SUPT3H: variants seen among roughly 807,000 people sequenced by gnomAD.
SUPT3H encodes the protein transcription initiation protein SPT3 homolog.
SUPT3H carries 44 observed loss-of-function variants against 44.3 expected under a neutral mutation model. The observed-to-expected ratio is 0.99, with a 90% confidence interval of 0.78 to 1.28. The LOEUF is 1.28. SUPT3H is among the 50% of genes most tolerant of loss of function. The pLI is 0.00. For synonymous variants in SUPT3H, 124 were observed against 125.6 expected, an observed-to-expected ratio of 0.99 and a Z score of 0.09; for missense variants, 380 against 387.1, an observed-to-expected ratio of 0.98 and a Z score of 0.15.
At chr6:45,293,922 AC>A (rs1241383592) in intron 2 of SUPT3H, among the ~76,000 whole-genome samples, 1 of 96,406 alleles carries the variant, frequency 1.0e-5, no homozygotes, top group Non-Finnish European at 2.0e-5. Flanking sequence ...AAGAATTGGT[AC>A]CAATCTTATT....
chr6:44,900,963 T>C (rs1047065052), intron 10 of SUPT3H, among the ~76,000 whole-genome samples: 18 of 152,276 alleles, frequency 1.2e-4, no homozygotes, highest in African/African-American at 4.1e-4. Context: ...ATGAGGGTCC[T>C]GACTGTTAGA....
chr6:45,037,503 AG>A (rs1314985133), intron 3 of SUPT3H, among the ~76,000 whole-genome samples: 20 of 150,672 alleles, frequency 1.3e-4, no homozygotes, highest in East Asian at 7.8e-4. Flanking sequence ...AAAAAAAAAA[AG>A]AAAAAAAAAG....
intron 2 of SUPT3H, among the ~76,000 whole-genome samples, chr6:45,348,053 G>GT (rs1468921287): frequency 1.3e-5 from 2 of 151,936 alleles, no homozygotes; most frequent in Non-Finnish European, 2.9e-5. Flanking sequence ...GTGGATATGT[G>GT]TATGTATCCC....
chr6:45,059,540 C>CCT, intron 3 of SUPT3H, among the ~76,000 whole-genome samples: 1 of 152,152 alleles, frequency 6.6e-6, no homozygotes, highest in Admixed American at 6.5e-5. Context: ...ACAAGGATGC[C>CCT]CTCTCTAATC....
intron 10 of SUPT3H, among the ~76,000 whole-genome samples, chr6:44,866,016 T>G (rs1775443248): frequency 6.6e-6 from 1 of 151,686 alleles, no homozygotes; most frequent in African/African-American, 2.4e-5. Context: ...CAGTACTTTC[T>G]CCTCAGAAAC....
chr6:45,206,348 C>T lies in SUPT3H; in HGVS notation c.102-100342G>A, dbSNP rs956537543. ...AATGAGGTCTTCAATGATGAGGAGA[C>T]CTTTAAGCAGGAACATGAGGAAGAG... is the stretch of plus-strand genomic sequence containing the variant. On this transcript the variant is annotated intron_variant, in intron 2 of 10. Transcript: ENST00000371459. 3.5e-4 allele frequency among the ~76,000 whole-genome samples: 53 copies of T among 151,772 alleles called. 1 individual carries two copies. The highest frequency in any genetic ancestry group is 2.1e-4 in the Non-Finnish European group (14 of 67,964).
intron 2 of SUPT3H, among the ~76,000 whole-genome samples, chr6:45,280,207 A>T (rs1777753884): frequency 6.6e-6 from 1 of 152,146 alleles, no homozygotes; most frequent in African/African-American, 2.4e-5. Flanking sequence ...GTGAGCACAA[A>T]CTTTTAGGTA....
intron 6 of SUPT3H, among the ~76,000 whole-genome samples, chr6:44,965,265 C>T (rs564563306): frequency 6.6e-6 from 1 of 152,266 alleles, no homozygotes; most frequent in African/African-American, 2.4e-5. Flanking sequence ...TCTCTGGATG[C>T]TGAACGAAGC....
downstream of SUPT3H, among the ~76,000 whole-genome samples, chr6:44,823,040 C>T (rs747070256): frequency 1.3e-5 from 2 of 150,176 alleles, no homozygotes; most frequent in Admixed American, 6.7e-5. Context: ...ATTGCTTGAA[C>T]CCGGGAGGCG....
chr6:45,236,747 G>A (rs1000716407), intron 2 of SUPT3H, among the ~76,000 whole-genome samples: 17 of 151,748 alleles, frequency 1.1e-4, no homozygotes, highest in South Asian at 2.1e-4. Context: ...TACACCCCCC[G>A]AGATCAACAG....
intron 3 of SUPT3H, among the ~76,000 whole-genome samples, chr6:45,024,965 C>T (rs2153520520): frequency 6.6e-6 from 1 of 151,974 alleles, no homozygotes; most frequent in Non-Finnish European, 1.5e-5. Context: ...CATACTGGAA[C>T]TAAACATCTA....
chr6:45,283,206 T>A (rs996150095), intron 2 of SUPT3H, among the ~76,000 whole-genome samples: 1 of 152,110 alleles, frequency 6.6e-6, no homozygotes, highest in Non-Finnish European at 1.5e-5. Flanking sequence ...GCTAACATCA[T>A]AATGACAGGA....
At chr6:45,290,045 T>C (rs1780064341) in intron 2 of SUPT3H, among the ~76,000 whole-genome samples, 1 of 152,066 alleles carries the variant, frequency 6.6e-6, no homozygotes, top group African/African-American at 2.4e-5. Context: ...TCAGGCGTGG[T>C]GACACACACC....
chr6:45,069,750 CTTAT>C (rs767889875), intron 3 of SUPT3H, among the ~76,000 whole-genome samples: 1 of 151,904 alleles, frequency 6.6e-6, no homozygotes, highest in African/African-American at 2.4e-5. Flanking sequence ...GCAGAGAACT[CTTAT>C]TTATTTATTT....
chr6:45,127,010 T>C (rs1327193253), intron 2 of SUPT3H, among the ~76,000 whole-genome samples: 2 of 152,108 alleles, frequency 1.3e-5, no homozygotes, highest in African/African-American at 4.8e-5. Context: ...AAACCAATAT[T>C]ATTAATAATA....
At chr6:44,859,190 A>G (rs1158716387) in intron 10 of SUPT3H, among the ~76,000 whole-genome samples, 1 of 152,204 alleles carries the variant, frequency 6.6e-6, no homozygotes, top group Non-Finnish European at 1.5e-5. Flanking sequence ...GTTTCACTCC[A>G]GAAGAGGGTG....
chr6:45,229,848 T>C (rs1392913721), intron 2 of SUPT3H, among the ~76,000 whole-genome samples: 2 of 152,202 alleles, frequency 1.3e-5, no homozygotes, highest in African/African-American at 2.4e-5. Context: ...TCAAGTCCTC[T>C]AGTTACTTTG....
intron 3 of SUPT3H, among the ~76,000 whole-genome samples, chr6:45,061,003 G>A (rs1734757114): frequency 6.6e-6 from 1 of 152,160 alleles, no homozygotes; most frequent in African/African-American, 2.4e-5. Context: ...TGGTGGGGAT[G>A]TAAATTAGTT....
At chr6:45,145,846 G>T (rs576020809) in intron 2 of SUPT3H, among the ~76,000 whole-genome samples, 30 of 152,070 alleles carry the variant, frequency 2.0e-4, no homozygotes, top group African/African-American at 6.5e-4. Context: ...CCATCAAAAA[G>T]TGGGCAAAAG....
Sources: allele counts gnomAD v4.1 joint callset (sites outside exome capture counted in the v4.1 genomes callset), GRCh38; gene constraint gnomAD v4.1.1; transcripts MANE v1.5; gene names NCBI Gene and HGNC (gene_info 2026-07-23, HGNC 2026-07-21).